Variants in GART observed in about 807,000 individuals in gnomAD.
GART encodes phosphoribosylglycinamide formyltransferase, phosphoribosylglycinamide synthetase, phosphoribosylaminoimidazole synthetase.
Under a neutral mutation model 107.2 loss-of-function variants are expected in GART, and 43 were observed. The observed-to-expected ratio is 0.40, with a 90% CI of 0.31 to 0.52. GART has a LOEUF of 0.52. Ranked by LOEUF, GART falls within the 20% of genes least tolerant of loss-of-function variation. The pLI, the probability that GART is intolerant of heterozygous loss-of-function variation, is 0.52. For synonymous variants in GART, 434 were observed against 427.0 expected (o/e 1.02, Z -0.20); for missense variants, 1,107 against 1,206.5 (o/e 0.92, Z 1.22).
At chr21:33,526,158 C>T (rs949238964) in intron 10 of GART, among the ~76,000 whole-genome samples, 3 of 151,514 alleles carry the variant, frequency 2.0e-5, no homozygotes, top group Non-Finnish European at 4.4e-5. Context: ...TGAGCCACTG[C>T]GCCCAGCCGG....
chr21:33,518,498 A>G, intron 14 of GART: 1 of 183,696 alleles, frequency 5.4e-6, no homozygotes, highest in Non-Finnish European at 1.1e-5. Flanking sequence ...AAAAAAAAGA[A>G]GAAATTGTGT....
chr21:33,542,828 T>C, upstream of GART: 1 of 549,074 alleles, frequency 1.8e-6, no homozygotes, highest in East Asian at 3.1e-5. Flanking sequence ...GCTCCTGTAA[T>C]GGCGCCTGCG....
Position 33,530,825 on chromosome 21 carries a change from C to T in GART, c.657G>A (p.Lys219=), listed in dbSNP as rs147580603. 35 of 1,546,348 alleles carry T rather than the reference C, an allele frequency of 2.3e-5. No homozygotes were observed. In the African/African-American group the frequency reaches 4.4e-4, roughly 20 times the overall value. Residue 219 remains lysine (K), a synonymous_variant, in exon 7 of 22, where the codon AAG becomes AAA. Transcript: ENST00000381815. ...VAPMPPAQDH[K]RLLEGDGGPN... is the part of the protein sequence containing the mutation. ...GGCCACCATCTCCCTCCAGTAATCGCTTATGGTCCTGTGCTGGGGGCATGG... is the reference window on the plus strand; with the variant it reads ...GGCCACCATCTCCCTCCAGTAATCGTTTATGGTCCTGTGCTGGGGGCATGG...
At chr21:33,527,706 A>G (rs1331308631) in intron 10 of GART, among the ~76,000 whole-genome samples, 1 of 152,098 alleles carries the variant, frequency 6.6e-6, no homozygotes, top group Non-Finnish European at 1.5e-5. Flanking sequence ...AAACTTTGAA[A>G]CTGTTTGAAT....
At chr21:33,528,488 T>C (rs1053146759) in intron 9 of GART, 31 bp downstream of exon 9, 11 of 1,556,812 alleles carry the variant, frequency 7.1e-6, no homozygotes, top group African/African-American at 5.5e-5. Flanking sequence ...ACATATCTTC[T>C]ACCAAGTAAT....
intron 12 of GART, among the ~76,000 whole-genome samples, chr21:33,521,978 A>G (rs2084981831): frequency 6.6e-6 from 1 of 151,112 alleles, no homozygotes; most frequent in South Asian, 2.1e-4. Flanking sequence ...AAAGTAAAGG[A>G]GCATACATAT....
intron 6 of GART, 140 bp downstream of exon 6, chr21:33,531,349 A>G (rs1312288134): frequency 2.7e-6 from 2 of 741,882 alleles, no homozygotes; most frequent in Non-Finnish European, 4.5e-6. Flanking sequence ...CCAACAATAA[A>G]AGTATACAAA....
chr21:33,508,493 G>A (rs2084723959), intron 18 of GART, among the ~76,000 whole-genome samples: 1 of 135,896 alleles, frequency 7.4e-6, no homozygotes, highest in Admixed American at 7.3e-5. Flanking sequence ...ACACTTCCCT[G>A]TTTTGTATCT....
chr21:33,509,165 G>C (rs1201229960), intron 18 of GART: 2 of 152,228 alleles, frequency 1.3e-5, no homozygotes, highest in Non-Finnish European at 2.9e-5. Context: ...CGGAAGGATT[G>C]CTTGAGGCCA....
Position 33,504,195 on chromosome 21 carries a change from G to A in GART, c.2962C>T (p.Leu988Phe). The change falls in exon 22 of 22, where the codon CTT (leucine) becomes TTT (phenylalanine). Residue 988 changes from leucine (L) to phenylalanine (F), a missense_variant. Physicochemically the swap from Leu to Phe is conservative, Grantham distance 22. Transcript: ENST00000381815. ...LAEHKIFPAA[L>F]QLVASGTVQL... ...ACAGTTCCACTGGCCACCAGCTGAA[G>A]GGCTGCAGGAAATATTTTATGTTCT... 1 of 1,614,186 alleles carries A rather than the reference G, an allele frequency of 6.2e-7. No homozygotes were observed. The highest frequency in any genetic ancestry group is 8.5e-7 in the Non-Finnish European group (1 of 1,180,038).
intron 16 of GART, among the ~76,000 whole-genome samples, chr21:33,514,988 C>T (rs1476504118): frequency 6.6e-6 from 1 of 152,240 alleles, no homozygotes. Flanking sequence ...ATCACTCTGA[C>T]TGCTTCTCCC....
chr21:33,506,006 C>G lies in GART; in HGVS notation c.2551G>C (p.Asp851His), dbSNP rs375939841. The G allele has an allele frequency of 6.2e-7, 1 of 1,614,078 alleles. No individual in the cohort carries two copies. The highest frequency in any genetic ancestry group is 8.5e-7 in the Non-Finnish European group (1 of 1,180,038). The change falls in exon 19 of 22, where the codon GAT becomes CAT. Residue 851 changes from aspartate to histidine, a missense_variant. Transcript: ENST00000381815. The part of the protein sequence containing the change: ...ISNKAAVAGL[D>H]KAERAGIPTR... ...GGAATACCAGCTCTTTCCGCTTTAT[C>G]TAACCCAGCTACTGCGGCTTTGTTG...
chr21:33,510,631 G>A (rs1470759817), intron 17 of GART, among the ~76,000 whole-genome samples: 1 of 152,106 alleles, frequency 6.6e-6, no homozygotes, highest in Non-Finnish European at 1.5e-5. Flanking sequence ...CGCCCGGCTG[G>A]GTCTCTCTTT....
At chr21:33,531,439 G>T in intron 6 of GART, 50 bp downstream of exon 6, 1 of 1,526,442 alleles carries the variant, frequency 6.6e-7, no homozygotes, top group Non-Finnish European at 9.0e-7. Flanking sequence ...ACACAGGTCA[G>T]ATGACAGCTT....
chr21:33,525,447 ATT>A (rs2085055322), intron 10 of GART, among the ~76,000 whole-genome samples: 3 of 152,146 alleles, frequency 2.0e-5, no homozygotes, highest in African/African-American at 7.2e-5. Flanking sequence ...GTCTTCTTTT[ATT>A]TTTTGAGACG....
At chr21:33,518,110 T>C (rs2084909621) in intron 14 of GART, among the ~76,000 whole-genome samples, 1 of 152,234 alleles carries the variant, frequency 6.6e-6, no homozygotes, top group Admixed American at 6.5e-5. Context: ...AGAAACTGTG[T>C]TCTAAACGGT....
chr21:33,510,038 T>C (rs147415245), intron 17 of GART, 118 bp from the exon 18 acceptor site: 3 of 887,358 alleles, frequency 3.4e-6, no homozygotes, highest in African/African-American at 3.4e-5. Context: ...AATAAGATAA[T>C]GCAAGGACTA....
At chr21:33,527,327 G>A (rs758555852) in intron 10 of GART, among the ~76,000 whole-genome samples, 10 of 151,926 alleles carry the variant, frequency 6.6e-5, no homozygotes, top group African/African-American at 1.9e-4. Context: ...GAGACCAGCC[G>A]GGCCAACATG....
At chr21:33,519,284 T>G (rs1463380956) in intron 14 of GART, among the ~76,000 whole-genome samples, 1 of 152,112 alleles carries the variant, frequency 6.6e-6, no homozygotes, top group Non-Finnish European at 1.5e-5. Flanking sequence ...CCGGGCACGG[T>G]GGCTCATGCC....
Sources: gnomAD v4.1 joint callset for allele counts (sites outside exome capture counted in the v4.1 genomes callset) on GRCh38, gnomAD v4.1.1 for gene constraint, MANE v1.5 for transcripts, NCBI Gene and HGNC (gene_info 2026-07-23, HGNC 2026-07-21) for gene names.